Variants in ZNF423 observed in about 807,000 individuals in gnomAD.
ZNF423 encodes Ebf-associated zinc finger protein.
A neutral mutation model predicts 95.8 loss-of-function variants in ZNF423; 12 were observed. That is an observed-to-expected ratio of 0.13 (90% CI 0.08 to 0.20). ZNF423 has a LOEUF of 0.20. Ranked by LOEUF, ZNF423 falls within the 10% of genes least tolerant of loss-of-function variation. ZNF423 has a pLI of 1.00. For missense variants in ZNF423, 1,316 were observed against 1,737.1 expected (o/e 0.76, Z 4.31); for synonymous variants, 749 against 711.9 (o/e 1.05, Z -0.83).
intron 5 of ZNF423, among the ~76,000 whole-genome samples, chr16:49,564,013 G>A (rs1055337703): frequency 6.6e-6 from 1 of 152,170 alleles, no homozygotes; most frequent in East Asian, 1.9e-4. Context: ...ATACCAGCAG[G>A]CTCTTTGCCT....
At chr16:49,720,680 G>A (rs1167650554) in intron 3 of ZNF423, among the ~76,000 whole-genome samples, 1 of 152,200 alleles carries the variant, frequency 6.6e-6, no homozygotes, top group Non-Finnish European at 1.5e-5. Flanking sequence ...AAAAGTATTG[G>A]TTATCAATTG....
At chr16:49,723,467 T>A (rs2032925332) in intron 3 of ZNF423, among the ~76,000 whole-genome samples, 1 of 152,162 alleles carries the variant, frequency 6.6e-6, no homozygotes, top group Non-Finnish European at 1.5e-5. Flanking sequence ...TTGTAGGAGT[T>A]CCTTACACAT....
chr16:49,550,411 A>G (rs1969592901), intron 5 of ZNF423, among the ~76,000 whole-genome samples: 1 of 152,026 alleles, frequency 6.6e-6, no homozygotes, highest in Non-Finnish European at 1.5e-5. Flanking sequence ...TGATTTCATG[A>G]TTTGCTAATG....
chr16:49,523,751 C>A lies in ZNF423; in HGVS notation c.3734-12G>T, dbSNP rs561543345. The A allele has an allele frequency of 6.2e-7, 1 of 1,610,518 alleles. No individual in the cohort carries two copies. The highest frequency in any genetic ancestry group is 1.7e-5 in the Admixed American group (1 of 60,018). ...GGCCTGGACGAAGACTAGACACAGA[C>A]ACGGCTGTCAGGGCCAAGCTCAGGA... On this transcript the variant is annotated splice_polypyrimidine_tract_variant and intron_variant, in intron 6 of 7. Coordinates refer to ENST00000563137, the MANE Select transcript of ZNF423 (RefSeq NM_001379286.1).
At chr16:49,742,748 C>A (rs1024559634) in intron 2 of ZNF423, among the ~76,000 whole-genome samples, 3 of 152,072 alleles carry the variant, frequency 2.0e-5, no homozygotes, top group African/African-American at 7.2e-5. Flanking sequence ...AGTCCTGGAG[C>A]AGAACTCAAG....
Position 49,637,104 on chromosome 16 carries a change from A to G in ZNF423, c.2072T>C (p.Val691Ala), listed in dbSNP as rs768384341. ...GTGGGTCGACGTGGTCATGTAATGC[A>G]CTGTCAGGTGCTGCAGGAGGGACTC... ...SQESLLQHLT[V>A]HYMTTSTHYV... The change falls in exon 4 of 8, where the codon GTG becomes GCG. Residue 691 changes from valine to alanine, a missense_variant. This residue lies in a region of ZNF423 where 620 missense variants were observed against 775.6 expected (regional missense o/e 0.80). Transcript: ENST00000563137. The surrounding 1 kb of genome is among the most constrained non-coding windows in gnomAD (Gnocchi z 5.6). 1 of 1,613,536 alleles carries G rather than the reference A, an allele frequency of 6.2e-7. No individual in the cohort carries two copies. The highest frequency in any genetic ancestry group is 1.3e-5 in the African/African-American group (1 of 75,024).
At chr16:49,835,485 C>A (rs1464225906) in intron 1 of ZNF423, among the ~76,000 whole-genome samples, 1 of 152,212 alleles carries the variant, frequency 6.6e-6, no homozygotes, top group Admixed American at 6.5e-5. Context: ...AACAGCGACG[C>A]CCCCTAGCCA....
rs13339255 is a variant in ZNF423, at chr16:49,755,795, C to A, written c.101-24824G>T. On this transcript the variant is annotated intron_variant, in intron 2 of 7. Coordinates refer to ENST00000563137, the MANE Select transcript of ZNF423 (RefSeq NM_001379286.1). ...CTCTGTTAATCCTCGAGTTACACTGCCCAGATGCTGATGGTAATAAAATGC... is the reference window on the plus strand; with the variant it reads ...CTCTGTTAATCCTCGAGTTACACTGACCAGATGCTGATGGTAATAAAATGC... 6.0e-3 allele frequency among the ~76,000 whole-genome samples: 920 copies of A among 152,272 alleles called. 13 individuals carry two copies. The highest frequency in any genetic ancestry group is 0.021 in the African/African-American group (887 of 41,536).
At chr16:49,601,278 G>A (rs1314303553) in intron 5 of ZNF423, among the ~76,000 whole-genome samples, 2 of 152,212 alleles carry the variant, frequency 1.3e-5, no homozygotes. Context: ...CGCTGGCTGT[G>A]TCACCTTGGG....
chr16:49,773,984 C>T (rs2034078772), intron 2 of ZNF423, among the ~76,000 whole-genome samples: 1 of 152,194 alleles, frequency 6.6e-6, no homozygotes, highest in South Asian at 2.1e-4. Flanking sequence ...AATGCCAGCA[C>T]AGACATGCAC....
intron 3 of ZNF423, among the ~76,000 whole-genome samples, chr16:49,642,812 T>C (rs1349992842): frequency 2.0e-5 from 3 of 148,556 alleles, no homozygotes; most frequent in African/African-American, 4.9e-5. Context: ...TTTTTTTTTT[T>C]TTTTTTTTTT....
chr16:49,756,873 C>T (rs951067690), intron 2 of ZNF423, among the ~76,000 whole-genome samples: 41 of 152,344 alleles, frequency 2.7e-4, no homozygotes, highest in Non-Finnish European at 8.8e-5. Context: ...GAGGGGCAGA[C>T]ATGAACAGGC....
chr16:49,738,987 A>G (rs943678150), intron 2 of ZNF423, among the ~76,000 whole-genome samples: 2 of 151,902 alleles, frequency 1.3e-5, no homozygotes, highest in African/African-American at 4.8e-5. Context: ...TTAAGTAATG[A>G]CACATACAAG....
intron 3 of ZNF423, among the ~76,000 whole-genome samples, chr16:49,718,783 G>GT (rs1283100685): frequency 6.6e-6 from 1 of 152,116 alleles, no homozygotes. Flanking sequence ...GTCCCCTTTT[G>GT]TAAGAGCACT....
intron 5 of ZNF423, among the ~76,000 whole-genome samples, chr16:49,582,117 A>C (rs1056274287): frequency 1.3e-5 from 2 of 152,174 alleles, no homozygotes; most frequent in Non-Finnish European, 2.9e-5. Flanking sequence ...GCCTACACGC[A>C]AGCTGGGGAT....
At chr16:49,820,323 G>A (rs895741897) in intron 1 of ZNF423, among the ~76,000 whole-genome samples, 10 of 152,158 alleles carry the variant, frequency 6.6e-5, no homozygotes, top group African/African-American at 2.4e-4. Context: ...AGGAATATCC[G>A]CTAGGCCTTG....
intron 1 of ZNF423, among the ~76,000 whole-genome samples, chr16:49,844,682 C>T (rs550018396): frequency 2.6e-5 from 4 of 152,214 alleles, no homozygotes; most frequent in Non-Finnish European, 5.9e-5. Context: ...CTTGTTCACC[C>T]ATTCATATTT....
chr16:49,593,365 G>A (rs1163026914), intron 5 of ZNF423, among the ~76,000 whole-genome samples: 1 of 152,030 alleles, frequency 6.6e-6, no homozygotes, highest in Non-Finnish European at 1.5e-5. Flanking sequence ...AGCCTGGGAG[G>A]TCAAGGCTGC....
At chr16:49,803,009 T>C (rs746485755) in intron 1 of ZNF423, among the ~76,000 whole-genome samples, 1 of 151,650 alleles carries the variant, frequency 6.6e-6, no homozygotes, top group Non-Finnish European at 1.5e-5. Context: ...AATTCCAGGG[T>C]TTTGGGAGGC....
Sources: gnomAD v4.1 joint callset for allele counts (sites outside exome capture counted in the v4.1 genomes callset) on GRCh38, gnomAD v4.1.1 for gene constraint, gnomAD v4.1.1 regional missense constraint, Gnocchi (gnomAD v3.1) non-coding constraint, MANE v1.5 for transcripts, NCBI Gene and HGNC (gene_info 2026-07-23, HGNC 2026-07-21) for gene names.